The following RANBP2 variants were observed in gnomAD, a reference collection of about 807,000 sequenced individuals.
RANBP2 encodes the protein RAN binding protein 2, also known as E3 SUMO-protein ligase RanBP2.
Under a neutral mutation model 303.6 loss-of-function variants are expected in RANBP2, and 57 were observed. That is an observed-to-expected ratio of 0.19 (90% CI 0.15 to 0.23). The LOEUF (loss-of-function observed/expected upper bound fraction) is 0.23, where lower values mean the gene tolerates loss of function less well. Ranked by LOEUF, RANBP2 falls within the 10% of genes least tolerant of loss-of-function variation. The pLI is 1.00. For missense variants in RANBP2, 3,138 were observed against 3,780.8 expected, an observed-to-expected ratio of 0.83 and a Z score of 4.46; for synonymous variants, 1,167 against 1,301.5, an observed-to-expected ratio of 0.90 and a Z score of 2.23.
the RANBP2 span, among the ~76,000 whole-genome samples, chr2:109,005,764 T>C: frequency 2.0e-5 from 3 of 152,218 alleles, no homozygotes; most frequent in Non-Finnish European, 4.4e-5. Context: ...CCACAAAACT[T>C]TGCTTACCCT....
intron 22 of RANBP2, 100 bp from the exon 23 acceptor site, chr2:108,772,768 C>A: frequency 7.5e-7 from 1 of 1,335,394 alleles, no homozygotes; most frequent in Non-Finnish European, 1.1e-6. Flanking sequence ...ATGTACAGGT[C>A]TTGTTACCTG....
the RANBP2 span, among the ~76,000 whole-genome samples, chr2:109,623,579 C>T: frequency 3.3e-5 from 5 of 152,210 alleles, no homozygotes; most frequent in East Asian, 7.7e-4. Context: ...TTTTGGCAGG[C>T]GACTCCAGTT....
chr2:109,461,796 C>G, the RANBP2 span, among the ~76,000 whole-genome samples: 1 of 152,240 alleles, frequency 6.6e-6, no homozygotes, highest in East Asian at 1.9e-4. Context: ...TCACAGCAGC[C>G]TGGACCTGTT....
chr2:108,991,924 C>T, the RANBP2 span, among the ~76,000 whole-genome samples: 4 of 152,196 alleles, frequency 2.6e-5, no homozygotes, highest in East Asian at 3.9e-4. Context: ...CTCAGCCTCC[C>T]GAGGAGCTGG....
chr2:109,624,364 G>A, the RANBP2 span, among the ~76,000 whole-genome samples: 4 of 152,276 alleles, frequency 2.6e-5, no homozygotes, highest in East Asian at 7.7e-4. Flanking sequence ...AGAATCAACC[G>A]CTTTTACTAC....
chr2:109,486,056 T>C, the RANBP2 span, among the ~76,000 whole-genome samples: 1 of 152,224 alleles, frequency 6.6e-6, no homozygotes, highest in African/African-American at 2.4e-5. Flanking sequence ...TTTCAACCCA[T>C]GTGTGTCCCT....
At chr2:109,234,773 A>G in the RANBP2 span, among the ~76,000 whole-genome samples, 1 of 152,200 alleles carries the variant, frequency 6.6e-6, no homozygotes, top group Non-Finnish European at 1.5e-5. Flanking sequence ...TGCTGAAACA[A>G]ATTACATCTT....
the RANBP2 span, among the ~76,000 whole-genome samples, chr2:109,671,143 G>T: frequency 7.2e-5 from 11 of 152,300 alleles, no homozygotes; most frequent in Admixed American, 2.0e-4. Flanking sequence ...TGCCCACACT[G>T]CTGCTTCCTA....
chr2:108,893,133 A>G, the RANBP2 span, among the ~76,000 whole-genome samples: 1 of 152,224 alleles, frequency 6.6e-6, no homozygotes, highest in South Asian at 2.1e-4. Context: ...ACCTACATTC[A>G]TGGCTCAAAA....
the RANBP2 span, chr2:109,613,156 T>C: frequency 7.8e-7 from 1 of 1,288,744 alleles, no homozygotes. Context: ...TTGGTACTAT[T>C]AACGAAAATA....
At chr2:109,231,190 C>T in the RANBP2 span, among the ~76,000 whole-genome samples, 5 of 152,338 alleles carry the variant, frequency 3.3e-5, no homozygotes, top group African/African-American at 9.6e-5. Context: ...GCCGAAGTCT[C>T]GGATGAACTG....
At chr2:108,841,131 T>C in the RANBP2 span, among the ~76,000 whole-genome samples, 3 of 152,150 alleles carry the variant, frequency 2.0e-5, no homozygotes, top group Non-Finnish European at 4.4e-5. Flanking sequence ...CCACCGTGTC[T>C]GGCTCAACCC....
chr2:108,904,528 T>G, the RANBP2 span, among the ~76,000 whole-genome samples: 1 of 152,186 alleles, frequency 6.6e-6, no homozygotes, highest in Non-Finnish European at 1.5e-5. Context: ...TTATAGCACC[T>G]TTATTCATAA....
chr2:109,693,255 G>T, the RANBP2 span, among the ~76,000 whole-genome samples: 1 of 152,064 alleles, frequency 6.6e-6, no homozygotes, highest in Non-Finnish European at 1.5e-5. Context: ...TCAGTTCACT[G>T]CAACCTCCTG....
chr2:109,376,488 G>T, the RANBP2 span, among the ~76,000 whole-genome samples: 5 of 152,132 alleles, frequency 3.3e-5, no homozygotes, highest in Non-Finnish European at 7.3e-5. Context: ...AGTGATTCTC[G>T]TCTGCGAGGA....
the RANBP2 span, among the ~76,000 whole-genome samples, chr2:109,647,771 G>A: frequency 6.6e-6 from 1 of 152,098 alleles, no homozygotes; most frequent in East Asian, 1.9e-4. Flanking sequence ...CGCCCGGCTC[G>A]GCTCTCCTCA....
chr2:108,918,688 A>G, the RANBP2 span, among the ~76,000 whole-genome samples: 3 of 152,206 alleles, frequency 2.0e-5, no homozygotes, highest in Non-Finnish European at 4.4e-5. Flanking sequence ...AGGAATGCTC[A>G]GTGAGCCAGA....
At chr2:109,021,840 G>C in the RANBP2 span, among the ~76,000 whole-genome samples, 3 of 152,134 alleles carry the variant, frequency 2.0e-5, no homozygotes, top group Non-Finnish European at 2.9e-5. Context: ...GAACAAAATC[G>C]CTTTCAGGAT....
At chr2:109,471,206 C>CAAAAA in the RANBP2 span, among the ~76,000 whole-genome samples, 26 of 40,148 alleles carry the variant, frequency 6.5e-4, no homozygotes, top group East Asian at 3.7e-3. Flanking sequence ...GACTCTGTCT[C>CAAAAA]AAAAAAAAAA....
Sources: allele counts gnomAD v4.1 joint callset (sites outside exome capture counted in the v4.1 genomes callset), GRCh38; gene constraint gnomAD v4.1.1; transcripts MANE v1.5; gene names NCBI Gene and HGNC (gene_info 2026-07-23, HGNC 2026-07-21).